DIPK2B: variants seen among roughly 807,000 people sequenced by gnomAD.
The protein encoded by DIPK2B is divergent protein kinase domain 2B.
A neutral mutation model predicts 22.2 loss-of-function variants in DIPK2B; 15 were observed. That is an observed-to-expected ratio of 0.68 (90% CI 0.45 to 1.04). DIPK2B has a LOEUF of 1.04. Ranked by LOEUF, DIPK2B falls within the 50% of genes least tolerant of loss-of-function variation. The probability of loss-of-function intolerance (pLI) is 0.00; values close to 1 mark genes in which losing one functional copy is unlikely to be tolerated. For synonymous variants in DIPK2B, 163 were observed against 153.2 expected, an observed-to-expected ratio of 1.06 and a Z score of -0.47; for missense variants, 345 against 348.3, an observed-to-expected ratio of 0.99 and a Z score of 0.08.
intron 2 of DIPK2B, among the ~76,000 whole-genome samples, chrX:45,174,888 T>C (rs2047108158): frequency 8.9e-6 from 1 of 112,019 alleles, no homozygotes; most frequent in African/African-American, 3.2e-5. Context: ...TGGCAATATG[T>C]ATTCAAAAGT....
At chrX:45,187,545 C>A (rs1022441514) in intron 2 of DIPK2B, among the ~76,000 whole-genome samples, 1 of 110,639 alleles carries the variant, frequency 9.0e-6, no homozygotes, top group African/African-American at 3.3e-5. Flanking sequence ...TTGGTCCTGT[C>A]GTCTTCCTTA....
chrX:45,161,172 C>T (rs2047020893), intron 2 of DIPK2B, among the ~76,000 whole-genome samples: 1 of 112,405 alleles, frequency 8.9e-6, no homozygotes, highest in South Asian at 3.7e-4. Flanking sequence ...ATAAAAGTAG[C>T]CTGGATCCCT....
chrX:45,177,200 G>A, intron 2 of DIPK2B, among the ~76,000 whole-genome samples: 1 of 109,808 alleles, frequency 9.1e-6, no homozygotes, highest in Middle Eastern at 4.6e-3. Flanking sequence ...TTGGGAGGCT[G>A]AGGTGCTGAG....
chrX:45,155,961 C>CTTTTTTTTTTTTTTTTTTTTTTT (rs757375184), intron 3 of DIPK2B, among the ~76,000 whole-genome samples: 3 of 55,255 alleles, frequency 5.4e-5, no homozygotes, highest in Admixed American at 2.7e-4. Flanking sequence ...AAGGGGACCT[C>CTTTTTTTTTTTTTTTTTTTTTTT]TTTTTTTTTT....
At chrX:45,189,606 T>A (rs1416250341) in intron 2 of DIPK2B, among the ~76,000 whole-genome samples, 1 of 85,404 alleles carries the variant, frequency 1.2e-5, no homozygotes, top group Non-Finnish European at 2.4e-5. Context: ...AGAGTGAAAC[T>A]CTGTCTCAAC....
chrX:45,159,004 T>G (rs1426129413), intron 2 of DIPK2B, among the ~76,000 whole-genome samples: 1 of 111,246 alleles, frequency 9.0e-6, no homozygotes, highest in Non-Finnish European at 1.9e-5. Flanking sequence ...TAATAGGCCC[T>G]GCCCTGCCCC....
chrX:45,159,513 C>A (rs1485212402), intron 2 of DIPK2B, among the ~76,000 whole-genome samples: 2 of 111,332 alleles, frequency 1.8e-5, no homozygotes, highest in African/African-American at 6.5e-5. Context: ...GGACCTGCAC[C>A]CTTATCTTTA....
chrX:45,167,838 C>T lies in DIPK2B; in HGVS notation c.499-9950G>A, dbSNP rs548849198. ...TAGCTAGGATTACAGGCGTGTGCCA[C>T]CACGCCTGGCTAAGTTTTGTATTTT... On this transcript the variant is annotated intron_variant, in intron 2 of 4. Coordinates refer to ENST00000398000, the MANE Select transcript of DIPK2B (RefSeq NM_176819.4). 4.9e-4 allele frequency among the ~76,000 whole-genome samples: 55 copies of T among 111,944 alleles called. No homozygotes were observed. In the South Asian group the frequency reaches 0.017, roughly 34 times the overall value.
chrX:45,169,940 A>AG (rs1210078037), intron 2 of DIPK2B, among the ~76,000 whole-genome samples: 2 of 111,545 alleles, frequency 1.8e-5, no homozygotes, highest in African/African-American at 6.5e-5. Flanking sequence ...GGAAAACCCA[A>AG]GGGTCAGAAG....
At chrX:45,189,400 G>A (rs959970202) in intron 2 of DIPK2B, among the ~76,000 whole-genome samples, 6 of 111,568 alleles carry the variant, frequency 5.4e-5, no homozygotes, top group African/African-American at 2.0e-4. Context: ...GATCACCTGA[G>A]GTCAGGAGTT....
Position 45,157,894 on chromosome X carries a change from C to A in DIPK2B, c.499-6G>T, listed in dbSNP as rs1017034992. 6 of 1,071,321 alleles carry A rather than the reference C, an allele frequency of 5.6e-6. No homozygotes were observed. The Admixed American group carries it at 1.4e-4, about 25-fold the overall frequency. The allele number at this position is 1,071,321 out of a possible 1,213,427, so 88.3% of individuals were successfully genotyped here. ...AGGAGCGGGCTGGCCAGGCCCTACG[C>A]GCAGGTGGGAGAGAGGCGGGAGAAG... On this transcript the variant is annotated splice_polypyrimidine_tract_variant and splice_region_variant and intron_variant, in intron 2 of 4. Transcript: ENST00000398000.
chrX:45,178,474 T>C (rs2047130982), intron 2 of DIPK2B, among the ~76,000 whole-genome samples: 1 of 111,377 alleles, frequency 9.0e-6, no homozygotes, highest in African/African-American at 3.3e-5. Flanking sequence ...ACAAAACAAC[T>C]CTTTGCAGGT....
At chrX:45,188,298 T>C (rs1285830041) in intron 2 of DIPK2B, among the ~76,000 whole-genome samples, 1 of 111,927 alleles carries the variant, frequency 8.9e-6, no homozygotes. Context: ...TAGAACACTA[T>C]TGAGAAGAAT....
chrX:45,162,335 G>T, intron 2 of DIPK2B: 1 of 726,537 alleles, frequency 1.4e-6, no homozygotes, highest in Non-Finnish European at 1.6e-6. Flanking sequence ...TGTTGAAATG[G>T]TTTAATACAC....
intron 4 of DIPK2B, 24 bp downstream of exon 4, chrX:45,153,886 C>T: frequency 8.4e-7 from 1 of 1,195,199 alleles, no homozygotes; most frequent in South Asian, 1.8e-5. Flanking sequence ...CTGACAGCTG[C>T]TCAGCCAGGC....
Position 45,151,534 on chromosome X carries a change from G to A in DIPK2B, c.*118C>T. 2 of 714,324 alleles carry A rather than the reference G, an allele frequency of 2.8e-6. No homozygotes were observed. The highest frequency in any genetic ancestry group is 3.5e-5 in the Admixed American group (1 of 28,846). The allele number at this position is 714,324 out of a possible 1,213,427, so 58.9% of individuals were successfully genotyped here. A position where few individuals can be genotyped will look rare whatever the true frequency, so the allele number is the denominator to read the frequency against. ...ACTCCCCTCTCAGTCCCTAAGAAAT[G>A]AGTGTGCCTTTCTTCTCATCTTTAA... On this transcript the variant is annotated 3_prime_UTR_variant, in exon 5 of 5. Coordinates refer to ENST00000398000, the MANE Select transcript of DIPK2B (RefSeq NM_176819.4).
rs138174467 is a variant in DIPK2B, at chrX:45,190,149, A to G, written c.498+1602T>C. 4.9e-3 allele frequency among the ~76,000 whole-genome samples: 549 copies of G among 112,526 alleles called. 3 individuals are homozygous for G. The highest frequency in any genetic ancestry group is 7.5e-3 in the Non-Finnish European group (402 of 53,312). On this transcript the variant is annotated intron_variant, in intron 2 of 4. Transcript: ENST00000398000. ...AAAGCATATTCTTGTCTATAAGCTCATTAGGATAAATGAATCAGATAGAGC... is the reference window on the plus strand; with the variant it reads ...AAAGCATATTCTTGTCTATAAGCTCGTTAGGATAAATGAATCAGATAGAGC...
At chrX:45,164,307 A>G (rs774602478) in intron 2 of DIPK2B, 13 of 1,149,704 alleles carry the variant, frequency 1.1e-5, no homozygotes, top group Non-Finnish European at 1.5e-5. Flanking sequence ...GGAAAATGTG[A>G]CATTAATTTT....
chrX:45,175,605 A>G (rs1216444378), intron 2 of DIPK2B, among the ~76,000 whole-genome samples: 14 of 81,924 alleles, frequency 1.7e-4, no homozygotes, highest in African/African-American at 7.5e-4. Flanking sequence ...ATATATATAC[A>G]CACATATATG....
Sources: gnomAD v4.1 joint callset for allele counts (sites outside exome capture counted in the v4.1 genomes callset) on GRCh38, gnomAD v4.1.1 for gene constraint, MANE v1.5 for transcripts, NCBI Gene and HGNC (gene_info 2026-07-23, HGNC 2026-07-21) for gene names.